The following MYOM3 variants were observed in gnomAD, a reference collection of about 807,000 sequenced individuals.
MYOM3 encodes the protein myomesin 3.
MYOM3 carries 155 observed loss-of-function variants against 191.7 expected under a neutral mutation model. The ratio of observed to expected loss-of-function variants is 0.81; its 90% CI spans 0.71 to 0.92. MYOM3 has a LOEUF of 0.92. MYOM3 is among the 40% of genes least tolerant of loss of function. The probability of loss-of-function intolerance (pLI) is 0.00; values close to 1 mark genes in which losing one functional copy is unlikely to be tolerated. For synonymous variants in MYOM3, 757 were observed against 762.9 expected (o/e 0.99, Z 0.13); for missense variants, 1,889 against 1,890.6 (o/e 1.00, Z 0.02).
intron 25 of MYOM3, 39 bp from the exon 26 acceptor site, chr1:24,068,406 G>A: frequency 6.2e-7 from 1 of 1,612,164 alleles, no homozygotes; most frequent in Non-Finnish European, 8.5e-7. Flanking sequence ...TCCCTGTTCT[G>A]GGAACTTTGT....
chr1:24,108,651 C>G lies in MYOM3; in HGVS notation c.-15G>C. On this transcript the variant is annotated 5_prime_UTR_variant, in exon 2 of 37. Coordinates refer to ENST00000374434, the MANE Select transcript of MYOM3 (RefSeq NM_152372.4). Reference sequence around the variant, plus strand: ...GGCAGAGTCATGGTTACGAGAGCAACAACCTGTGAAGGCCAAGGTCCACGG... The same window carrying G: ...GGCAGAGTCATGGTTACGAGAGCAAGAACCTGTGAAGGCCAAGGTCCACGG... 1 of 1,539,090 alleles carries G rather than the reference C, an allele frequency of 6.5e-7. No individual in the cohort carries two copies. The highest frequency in any genetic ancestry group is 8.7e-7 in the Non-Finnish European group (1 of 1,144,946).
intron 20 of MYOM3, among the ~76,000 whole-genome samples, chr1:24,077,078 C>T (rs1643610714): frequency 6.6e-6 from 1 of 152,048 alleles, no homozygotes; most frequent in Admixed American, 6.5e-5. Context: ...CCCCCTTGGC[C>T]GCCGAAAGTG....
intron 1 of MYOM3, among the ~76,000 whole-genome samples, chr1:24,110,895 G>A (rs963037971): frequency 3.9e-5 from 6 of 152,132 alleles, no homozygotes; most frequent in Non-Finnish European, 7.3e-5. Context: ...AGCTTTCCTG[G>A]GACACGATGG....
chr1:24,102,792 G>T (rs1643947293), intron 5 of MYOM3, among the ~76,000 whole-genome samples: 1 of 152,172 alleles, frequency 6.6e-6, no homozygotes, highest in Admixed American at 6.5e-5. Context: ...GCTGCAGTGA[G>T]CTGTGACTGC....
chr1:24,072,036 A>G lies in MYOM3; in HGVS notation c.2969-23T>C, dbSNP rs371792335. On this transcript the variant is annotated intron_variant, in intron 23 of 36. Transcript: ENST00000374434. Reference sequence around the variant, plus strand: ...GCTCTGGGATAGGGGGAAGTGAGGAAGAAACCAGAGAGAATGAAATATCCT... The same window carrying G: ...GCTCTGGGATAGGGGGAAGTGAGGAGGAAACCAGAGAGAATGAAATATCCT... 1.2e-5 allele frequency: 20 copies of G among 1,613,536 alleles called. No individual in the cohort carries two copies. In the African/African-American group the frequency reaches 1.5e-4, roughly 12 times the overall value.
At chr1:24,073,886 G>A (rs1371089494) in intron 23 of MYOM3, among the ~76,000 whole-genome samples, 3 of 147,236 alleles carry the variant, frequency 2.0e-5, no homozygotes, top group African/African-American at 2.6e-5. Context: ...AAAAAAAAAG[G>A]TGGGAAAATA....
At chr1:24,059,175 C>T (rs1643338775) in intron 35 of MYOM3, among the ~76,000 whole-genome samples, 196 bp from the exon 36 acceptor site, 1 of 151,618 alleles carries the variant, frequency 6.6e-6, no homozygotes, top group Non-Finnish European at 1.5e-5. Flanking sequence ...GCTCTGTTGC[C>T]CAGGGTGGAG....
Position 24,063,055 on chromosome 1 carries a change from G to A in MYOM3, c.3770+71C>T. ...TGGAGGACCAGGCAGGGAGAAGGGA[G>A]GGAGGCCCCCATGGGTCAGGTGCTG... On this transcript the variant is annotated intron_variant, in intron 32 of 36. Coordinates refer to ENST00000374434, the MANE Select transcript of MYOM3 (RefSeq NM_152372.4). The surrounding 1 kb of genome is among the most constrained non-coding windows in gnomAD (Gnocchi z 4.5). The A allele has an allele frequency of 2.0e-6, 2 of 1,001,010 alleles. No individual in the cohort carries two copies. Among genetic ancestry groups the A allele is most frequent in the South Asian group, 1.3e-5 (1 of 76,262 alleles). 62.0% of individuals were successfully genotyped at this position (1,001,010 alleles called of 1,614,324 possible).
At chr1:24,070,904 T>G (rs533430668) in intron 25 of MYOM3, among the ~76,000 whole-genome samples, 1 of 152,076 alleles carries the variant, frequency 6.6e-6, no homozygotes, top group East Asian at 1.9e-4. Flanking sequence ...CTGGCCAGCA[T>G]GTAGTGTCCC....
At position 24,062,021 on chromosome 1, in the gene MYOM3, C is replaced by G. The variant is rs772247845; in HGVS notation, c.3859G>C (p.Asp1287His). 10 of 1,614,078 alleles carry G rather than the reference C, an allele frequency of 6.2e-6. No individual in the cohort carries two copies. Among genetic ancestry groups the G allele is most frequent in the Non-Finnish European group, 8.5e-6 (10 of 1,180,056 alleles). The change falls in exon 33 of 37, where the codon GAC becomes CAC. Residue 1287 changes from aspartate to histidine, a missense_variant. Asp to His is a moderately conservative substitution (Grantham distance 81). Transcript: ENST00000374434. Reference protein sequence around the residue: ...WLHILDPKDSDKGKYTLEIAA... With the variant: ...WLHILDPKDSHKGKYTLEIAA... The stretch of plus-strand genomic sequence containing the variant: ...ATTTCCAGAGTGTATTTGCCCTTGT[C>G]TGAGTCTTTGGGGTCCAGGATGTGA...
At chr1:24,086,448 A>T (rs1158246820) in intron 15 of MYOM3, among the ~76,000 whole-genome samples, 196 bp downstream of exon 15, 1 of 152,148 alleles carries the variant, frequency 6.6e-6, no homozygotes, top group African/African-American at 2.4e-5. Flanking sequence ...CTCTCCCTCC[A>T]TGAGCCTTCT....
intron 2 of MYOM3, 101 bp downstream of exon 2, chr1:24,108,375 C>A: frequency 7.9e-7 from 1 of 1,258,762 alleles, no homozygotes; most frequent in African/African-American, 1.5e-5. Flanking sequence ...TCCCTCCCCC[C>A]ATCAGGTTGG....
chr1:24,110,542 G>A (rs1019940663), intron 1 of MYOM3, among the ~76,000 whole-genome samples: 2 of 152,152 alleles, frequency 1.3e-5, no homozygotes, highest in African/African-American at 2.4e-5. Context: ...GGGCTGTGGA[G>A]GGTCAGTCTT....
In MYOM3 at chr1:24,067,321, T is replaced by TTTCC. The variant is rs1187824299; in HGVS notation, c.3356-237_3356-234dup. Among the ~76,000 whole-genome samples the TTTCC allele has an allele frequency of 5.3e-3, 559 of 104,664 alleles. 10 individuals carry two copies. Among genetic ancestry groups the TTTCC allele is most frequent in the Middle Eastern group, 0.015 (3 of 202 alleles). The allele number at this position is 104,664 out of a possible 152,430, so 68.7% of individuals were successfully genotyped here. On this transcript the variant is annotated intron_variant, in intron 27 of 36. Coordinates refer to ENST00000374434, the MANE Select transcript of MYOM3 (RefSeq NM_152372.4). ...CTTTCTTTCCTTCTTTCTTTCTTTCTTTCCTTCTTTCTTTCTTTCTTTCTT... is the reference window on the plus strand; with the variant it reads ...CTTTCTTTCCTTCTTTCTTTCTTTCTTTCCTTCCTTCTTTCTTTCTTTCTTTCTT...
At chr1:24,084,081 C>T (rs1403233714) in intron 16 of MYOM3, 5 of 226,818 alleles carry the variant, frequency 2.2e-5, no homozygotes, top group African/African-American at 4.6e-5. Context: ...GCTCTGTACT[C>T]CCACTCAAAT....
At chr1:24,082,741 G>T in intron 16 of MYOM3, 27 bp from the exon 17 acceptor site, 1 of 1,570,870 alleles carries the variant, frequency 6.4e-7, no homozygotes, top group Non-Finnish European at 8.6e-7. Flanking sequence ...CAGCTTTCAT[G>T]GATGTACAAA....
chr1:24,080,301 G>T (rs1643651742), intron 19 of MYOM3, 107 bp from the exon 20 acceptor site: 5 of 890,360 alleles, frequency 5.6e-6, no homozygotes, highest in Non-Finnish European at 8.4e-6. Flanking sequence ...CAATCCCTCA[G>T]TCACAGTCAA....
At chr1:24,108,365 T>C in intron 2 of MYOM3, 111 bp downstream of exon 2, 4 of 1,192,888 alleles carry the variant, frequency 3.4e-6, no homozygotes, top group Non-Finnish European at 3.4e-6. Context: ...AGCAGGGATG[T>C]CCCTCCCCCC....
Position 24,084,508 on chromosome 1 carries a change from C to T in MYOM3, c.1930G>A (p.Glu644Lys), listed in dbSNP as rs765471936. 1.9e-6 allele frequency: 3 copies of T among 1,614,188 alleles called. No individual in the cohort carries two copies. The highest frequency in any genetic ancestry group is 2.2e-5 in the East Asian group (1 of 44,888). The change falls in exon 16 of 37, where the codon GAG (glutamate) becomes AAG (lysine). Residue 644 changes from glutamate (E) to lysine (K), a missense_variant. Coordinates refer to ENST00000374434, the MANE Select transcript of MYOM3 (RefSeq NM_152372.4). ...GGTTTGTTGTTAACTGTTTGCCACT[C>T]AGATGTCCCCACCTTCCGGGAGTAG... ...YIYSRKVGTS[E>K]WQTVNNKPIQ...
Sources: allele counts gnomAD v4.1 joint callset (sites outside exome capture counted in the v4.1 genomes callset), GRCh38; gene constraint gnomAD v4.1.1; non-coding constraint Gnocchi (gnomAD v3.1); transcripts MANE v1.5; gene names NCBI Gene and HGNC (gene_info 2026-07-23, HGNC 2026-07-21).